The following ARMCX4 variants were observed in gnomAD, a reference collection of about 807,000 sequenced individuals.
ARMCX4 encodes armadillo repeat-containing X-linked protein 4.
In ARMCX4, 3 loss-of-function variants were observed where a neutral mutation model predicts 34.7. The observed-to-expected ratio is 0.09, with a 90% CI of 0.04 to 0.22. ARMCX4 has a LOEUF of 0.22. ARMCX4 is among the 10% of genes least tolerant of loss of function. The pLI, the probability that ARMCX4 is intolerant of heterozygous loss-of-function variation, is 1.00. For synonymous variants in ARMCX4, 513 were observed against 632.8 expected, an observed-to-expected ratio of 0.81 and a Z score of 2.84; for missense variants, 1,448 against 1,720.8, an observed-to-expected ratio of 0.84 and a Z score of 2.81.
chrX:101,521,057 G>A (rs1192847229), intron 11 of ARMCX4, among the ~76,000 whole-genome samples: 2 of 107,228 alleles, frequency 1.9e-5, no homozygotes, highest in East Asian at 3.0e-4. Context: ...TCAGCCTCCC[G>A]AGTAGCTGGG....
intron 4 of ARMCX4, among the ~76,000 whole-genome samples, chrX:101,472,795 C>T (rs1265522714): frequency 1.1e-5 from 1 of 90,792 alleles, no homozygotes; most frequent in Non-Finnish European, 2.1e-5. Context: ...CCTAAAAGAG[C>T]TCCTGAAGGA....
rs1051378955 is a variant in ARMCX4, at chrX:101,490,399, G to A, written c.1810G>A (p.Ala604Thr). 7.8e-6 allele frequency: 9 copies of A among 1,153,475 alleles called. No individual in the cohort carries two copies. In the African/African-American group the frequency reaches 1.6e-4, roughly 21 times the overall value. Residue 604 changes from alanine (A) to threonine (T), a missense_variant, in exon 6 of 6, where the codon GCC (alanine) becomes ACC (threonine). By Grantham distance (58) the Ala-to-Thr change is moderately conservative. This residue lies in a region of ARMCX4 where 1,343 missense variants were observed against 1,540.7 expected (regional missense o/e 0.87). Transcript: ENST00000423738. ...ANPQGEALPG[A>T]KNKVKGNPHT... is the part of the protein sequence containing the mutation. ...TCCCCAGGGTGAGGCCTTGCCTGGT[G>A]CCAAGAATAAAGTCAAGGGCAATCC...
upstream of ARMCX4, among the ~76,000 whole-genome samples, chrX:101,484,146 A>G (rs1226201278): frequency 9.0e-6 from 1 of 111,528 alleles, no homozygotes; most frequent in Non-Finnish European, 1.9e-5. Flanking sequence ...CTTGTGAGGG[A>G]AAAAAATAAT....
At chrX:101,438,275 C>T (rs1033954263) in intron 2 of ARMCX4, among the ~76,000 whole-genome samples, 1 of 111,816 alleles carries the variant, frequency 8.9e-6, no homozygotes, top group African/African-American at 3.3e-5. Flanking sequence ...TAAAGTCTCC[C>T]ATTATCAGGC....
At chrX:101,514,389 G>A (rs1556017125) in intron 11 of ARMCX4, among the ~76,000 whole-genome samples, 2 of 111,538 alleles carry the variant, frequency 1.8e-5, no homozygotes, top group African/African-American at 6.5e-5. Flanking sequence ...TACTCCTATA[G>A]AGAGTTGCCT....
chrX:101,485,281 C>G (rs1330783769), upstream of ARMCX4: 1 of 110,860 alleles, frequency 9.0e-6, no homozygotes, highest in Non-Finnish European at 1.9e-5. Context: ...GAGCACAGAC[C>G]AGAGAACGGG....
intron 4 of ARMCX4, among the ~76,000 whole-genome samples, chrX:101,472,007 C>T (rs1289414928): frequency 1.6e-3 from 127 of 80,510 alleles, no homozygotes; most frequent in Non-Finnish European, 2.8e-3. Context: ...TCAAATTACT[C>T]TGAGCTACGG....
chrX:101,534,063 A>G (rs368152086), downstream of ARMCX4, among the ~76,000 whole-genome samples: 1 of 112,012 alleles, frequency 8.9e-6, no homozygotes, highest in East Asian at 2.8e-4. Context: ...AAGAAAAAAA[A>G]TCTAAATTAC....
chrX:101,456,762 A>G (rs1290471828), intron 4 of ARMCX4, among the ~76,000 whole-genome samples: 2 of 111,051 alleles, frequency 1.8e-5, no homozygotes, highest in African/African-American at 6.5e-5. Context: ...TTAAATCTTC[A>G]TTTAGTGTTC....
chrX:101,488,329 C>A, intron 5 of ARMCX4, 115 bp from the exon 6 acceptor site: 1 of 673,209 alleles, frequency 1.5e-6, no homozygotes, highest in Non-Finnish European at 2.1e-6. Flanking sequence ...TGCTAATCAT[C>A]CTCTCTTCCA....
chrX:101,457,383 G>A (rs982785088), intron 4 of ARMCX4, among the ~76,000 whole-genome samples: 3 of 111,409 alleles, frequency 2.7e-5, no homozygotes, highest in Non-Finnish European at 5.7e-5. Flanking sequence ...ATTTCCTTAG[G>A]GATTTGTAAG....
intron 2 of ARMCX4, among the ~76,000 whole-genome samples, chrX:101,438,418 A>T (rs1160248282): frequency 4.0e-4 from 44 of 111,177 alleles, no homozygotes; most frequent in Non-Finnish European, 7.2e-4. Flanking sequence ...AAAAATAATT[A>T]GCCAGGTATG....
At chrX:101,530,063 A>G (rs1935089315) in intron 11 of ARMCX4, among the ~76,000 whole-genome samples, 1 of 112,244 alleles carries the variant, frequency 8.9e-6, no homozygotes, top group African/African-American at 3.2e-5. Flanking sequence ...TATTCACAAT[A>G]GCAAAGACTT....
chrX:101,491,504 C>A lies in ARMCX4; in HGVS notation c.2915C>A (p.Ser972Tyr). Reference sequence around the variant, plus strand: ...GCCAAAAATAAGGTCAGGGGCAATTCCAATGCTGTGCCTAAGGCAGAGGCT... The same window carrying A: ...GCCAAAAATAAGGTCAGGGGCAATTACAATGCTGTGCCTAAGGCAGAGGCT... ...PGAKNKVRGN[S>Y]NAVPKAEAGA... The change falls in exon 6 of 6, where the codon TCC (serine) becomes TAC (tyrosine). Residue 972 changes from serine (S) to tyrosine (Y), a missense_variant. Ser to Tyr is a moderately radical substitution (Grantham distance 144). Transcript: ENST00000423738. 2 of 1,155,838 alleles carry A rather than the reference C, an allele frequency of 1.7e-6. No individual in the cohort carries two copies. Among genetic ancestry groups the A allele is most frequent in the Non-Finnish European group, 2.3e-6 (2 of 872,798 alleles).
Position 101,458,880 on chromosome X carries a change from A to T in ARMCX4, c.-473+12836A>T, listed in dbSNP as rs190554647. On this transcript the variant is annotated intron_variant and NMD_transcript_variant, in intron 4 of 15. Coordinates refer to the ARMCX4 transcript ENST00000433011. ...GATACTTATCTAAATAAAATAAAATAAAATTAAATTAAAATTAAAATGGAA... is the reference window on the plus strand; with the variant it reads ...GATACTTATCTAAATAAAATAAAATTAAATTAAATTAAAATTAAAATGGAA... Among the ~76,000 whole-genome samples, 318 of 112,275 alleles carry T rather than the reference A, an allele frequency of 2.8e-3. 4 individuals carry two copies. Among genetic ancestry groups the T allele is most frequent in the Middle Eastern group, 0.018 (4 of 217 alleles).
At chrX:101,462,931 T>C (rs1204422396) in intron 4 of ARMCX4, among the ~76,000 whole-genome samples, 1 of 111,861 alleles carries the variant, frequency 8.9e-6, no homozygotes, top group Non-Finnish European at 1.9e-5. Flanking sequence ...AAGTCCTATA[T>C]TCAGAGGATT....
intron 1 of ARMCX4, 22 bp downstream of exon 1, chrX:101,485,552 C>A: frequency 2.6e-6 from 1 of 381,368 alleles, no homozygotes; most frequent in Non-Finnish European, 3.3e-6. Context: ...GGGGCCCGCG[C>A]GCCCTGGCCA....
At chrX:101,419,983 G>T (rs782124662) in intron 2 of ARMCX4, among the ~76,000 whole-genome samples, 1 of 112,048 alleles carries the variant, frequency 8.9e-6, no homozygotes, top group African/African-American at 3.2e-5. Context: ...ATCTGGCTCT[G>T]TTTCCCATTG....
At chrX:101,429,332 C>CTTTT (rs151320609) in intron 2 of ARMCX4, among the ~76,000 whole-genome samples, 3 of 64,147 alleles carry the variant, frequency 4.7e-5, no homozygotes, top group Non-Finnish European at 3.0e-5. Context: ...CCTAGATTGT[C>CTTTT]TTTTTTTTTT....
Sources: gnomAD v4.1 joint callset for allele counts (sites outside exome capture counted in the v4.1 genomes callset) on GRCh38, gnomAD v4.1.1 for gene constraint, gnomAD v4.1.1 regional missense constraint, MANE v1.5 for transcripts, NCBI Gene and HGNC (gene_info 2026-07-23, HGNC 2026-07-21) for gene names.